Variants in CDK20 observed in about 807,000 individuals in gnomAD.
CDK20 encodes cyclin dependent kinase 20.
In CDK20, 40 loss-of-function variants were observed where a neutral mutation model predicts 38.6. That is an observed-to-expected ratio of 1.04 (90% CI 0.81 to 1.35). CDK20 has a LOEUF of 1.35. Among genes scored for constraint, CDK20 ranks in the 40% most tolerant of loss-of-function variants. CDK20 has a pLI of 0.00. For missense variants in CDK20, 512 were observed against 452.6 expected, an observed-to-expected ratio of 1.13 and a Z score of -1.19; for synonymous variants, 209 against 185.7, an observed-to-expected ratio of 1.13 and a Z score of -1.02.
chr9:87,971,471 G>T (rs1829856298), intron 2 of CDK20, 136 bp from the exon 3 acceptor site: 2 of 743,942 alleles, frequency 2.7e-6, no homozygotes, highest in South Asian at 1.8e-5. Flanking sequence ...ACGTGGACCT[G>T]AGCTAAGAAT....
chr9:87,969,532 C>T (rs932046263), intron 6 of CDK20, 183 bp from the exon 7 acceptor site: 10 of 788,606 alleles, frequency 1.3e-5, no homozygotes, highest in South Asian at 1.2e-4. Context: ...ATCCCCTTGC[C>T]CTCTCAGATG....
chr9:87,967,747 C>G (rs1305018431), intron 7 of CDK20, 88 bp from the exon 8 acceptor site: 1 of 1,166,384 alleles, frequency 8.6e-7, no homozygotes, highest in African/African-American at 1.6e-5. Flanking sequence ...TCTATGCATT[C>G]AGCTGACTCA....
intron 6 of CDK20, 48 bp from the exon 7 acceptor site, chr9:87,969,397 C>T (rs1325782181): frequency 1.3e-6 from 2 of 1,590,994 alleles, no homozygotes; most frequent in South Asian, 2.3e-5. Flanking sequence ...GTTCCCGACC[C>T]TTGCCATGCT....
rs780324274 is a variant in CDK20 at position 87,970,613 on chromosome 9, T to A, written c.518A>T (p.Glu173Val). The A allele has an allele frequency of 1.2e-6, 2 of 1,613,922 alleles. No individual in the cohort carries two copies. The highest frequency in any genetic ancestry group is 1.7e-6 in the Non-Finnish European group (2 of 1,179,980). The stretch of plus-strand genomic sequence containing the variant: ...ATACTGGCGGGCACCATACAGGAGC[T>A]CGGGGGCTCGGTACCACCTGCGAGG... ...QVATRWYRAPELLYGARQYDQ... is the reference protein window; with the variant it reads ...QVATRWYRAPVLLYGARQYDQ... The change falls in exon 5 of 8, where the codon GAG (glutamate) becomes GTG (valine). Residue 173 changes from glutamate (E) to valine (V), a missense_variant. Glu to Val is a moderately radical substitution (Grantham distance 121). Transcript: ENST00000325303.
At chr9:87,974,057 C>T in intron 1 of CDK20, 22 bp from the exon 2 acceptor site, 1 of 1,613,876 alleles carries the variant, frequency 6.2e-7, no homozygotes, top group Non-Finnish European at 8.5e-7. Context: ...AAGGCAGACA[C>T]TGCCAGCCCA....
chr9:87,969,387 G>T (rs1163916729), intron 6 of CDK20, 38 bp from the exon 7 acceptor site: 1 of 1,604,148 alleles, frequency 6.2e-7, no homozygotes, highest in Non-Finnish European at 8.5e-7. Context: ...AATGAGAGTA[G>T]TTCCCGACCC....
intron 3 of CDK20, 93 bp from the exon 4 acceptor site, chr9:87,970,990 C>A: frequency 5.1e-6 from 8 of 1,553,744 alleles, no homozygotes; most frequent in East Asian, 2.3e-5. Context: ...AGGTCAGCCC[C>A]GGTCCCCACC....
chr9:87,972,702 G>A (rs1829947246), intron 2 of CDK20, among the ~76,000 whole-genome samples: 1 of 152,170 alleles, frequency 6.6e-6, no homozygotes, highest in Admixed American at 6.5e-5. Flanking sequence ...ATGATGACTT[G>A]GGCAAGGAGC....
chr9:87,969,952 T>C (rs1426980857), intron 5 of CDK20, 33 bp from the exon 6 acceptor site: 26 of 1,521,136 alleles, frequency 1.7e-5, no homozygotes, highest in Non-Finnish European at 2.3e-5. Context: ...AGGTCAGAGA[T>C]CTCCCACCAT....
chr9:87,972,628 G>A (rs1465764495), intron 2 of CDK20, among the ~76,000 whole-genome samples: 1 of 152,198 alleles, frequency 6.6e-6, no homozygotes, highest in Non-Finnish European at 1.5e-5. Context: ...TTTTGACAAA[G>A]CCCTCCGGAC....
At chr9:87,968,059 C>CA (rs1447393479) in intron 7 of CDK20, 3 of 167,732 alleles carry the variant, frequency 1.8e-5, no homozygotes, top group Admixed American at 1.7e-4. Context: ...GCAAGTGGGA[C>CA]ATGAGGCTCC....
intron 4 of CDK20, 36 bp from the exon 5 acceptor site, chr9:87,970,666 A>G (rs1354877714): frequency 6.2e-7 from 1 of 1,613,732 alleles, no homozygotes; most frequent in South Asian, 1.1e-5. Flanking sequence ...CTGGGCTGAG[A>G]AAAGGATGCC....
At chr9:87,968,254 G>A (rs915904335) in intron 7 of CDK20, 1 of 152,660 alleles carries the variant, frequency 6.6e-6, no homozygotes, top group Non-Finnish European at 1.5e-5. Context: ...AATGTGTCCT[G>A]TTCTACTTGG....
Position 87,967,101 on chromosome 9 carries a change from C to T in CDK20, c.*361G>A, listed in dbSNP as rs902665606. The T allele has an allele frequency of 1.8e-6, 1 of 560,336 alleles. No homozygotes were observed. The highest frequency in any genetic ancestry group is 3.5e-6 in the Non-Finnish European group (1 of 287,372). The allele number at this position is 560,336 out of a possible 1,614,324, so 34.7% of individuals were successfully genotyped here. On this transcript the variant is annotated 3_prime_UTR_variant, in exon 8 of 8. Transcript: ENST00000325303. ...GGACACCTTACTCTCTGCACTTCTC[C>T]TTGACCAGGAGGCAGCACTCGGGGA...
chr9:87,969,545 G>A (rs1181605708), intron 6 of CDK20, 196 bp from the exon 7 acceptor site: 24 of 771,496 alleles, frequency 3.1e-5, no homozygotes, highest in Admixed American at 8.4e-5. Flanking sequence ...CTCAGATGAC[G>A]ACTCTGTGCA....
In CDK20 at chr9:87,969,334, G is replaced by A. The variant is rs1829684635; in HGVS notation, c.703C>T (p.Pro235Ser). The A allele has an allele frequency of 6.2e-7, 1 of 1,613,918 alleles. No individual in the cohort carries two copies. The highest frequency in any genetic ancestry group is 8.5e-7 in the Non-Finnish European group (1 of 1,179,952). The change falls in exon 7 of 8, where the codon CCG (proline) becomes TCG (serine). Residue 235 changes from proline to serine, a missense_variant. Transcript: ENST00000325303. The part of the protein sequence containing the change: ...PQVWPELTEL[P>S]DYNKISFKEQ... The stretch of plus-strand genomic sequence containing the variant: ...TTAAAGGAGATCTTGTTGTAGTCCG[G>A]CAGCTCAGTGAGCTCCTGGGCCAGG...
Position 87,970,832 on chromosome 9 carries a change from C to G in CDK20, c.444G>C (p.Leu148=). Residue 148 remains leucine, a synonymous_variant, in exon 4 of 8, where the codon CTG becomes CTC. Transcript: ENST00000325303. ...TGCCGTCTGGGGAAAAGACTCGAGC[C>G]AGGCCAAAGTCCGCTATCTTGAGCT... ...SGQLKIADFG[L]ARVFSPDGSR... is the part of the protein sequence containing the mutation. 1.2e-6 allele frequency: 2 copies of G among 1,614,180 alleles called. No individual in the cohort carries two copies. Among genetic ancestry groups the G allele is most frequent in the Non-Finnish European group, 1.7e-6 (2 of 1,180,034 alleles).
chr9:87,973,431 ACT>A (rs1368350475), intron 2 of CDK20, among the ~76,000 whole-genome samples: 1 of 121,440 alleles, frequency 8.2e-6, no homozygotes, highest in Non-Finnish European at 1.9e-5. Context: ...GGAAGAATGG[ACT>A]CTCAATCAAA....
At chr9:87,968,251 C>G (rs1235143389) in intron 7 of CDK20, 1 of 152,776 alleles carries the variant, frequency 6.5e-6, no homozygotes, top group Non-Finnish European at 1.5e-5. Context: ...AGGAATGTGT[C>G]CTGTTCTACT....
Sources: gnomAD v4.1 joint callset for allele counts (sites outside exome capture counted in the v4.1 genomes callset) on GRCh38, gnomAD v4.1.1 for gene constraint, MANE v1.5 for transcripts, NCBI Gene and HGNC (gene_info 2026-07-23, HGNC 2026-07-21) for gene names.